The following TEX9 variants were observed in gnomAD, a reference collection of about 807,000 sequenced individuals.
TEX9 encodes testis expressed 9.
In TEX9, 74 loss-of-function variants were observed where a neutral mutation model predicts 59.6. That is an observed-to-expected ratio of 1.24 (90% CI 1.03 to 1.51). The LOEUF (loss-of-function observed/expected upper bound fraction) is 1.51, where lower values mean the gene tolerates loss of function less well. TEX9 is among the 40% of genes most tolerant of loss of function. TEX9 has a pLI of 0.00. For synonymous variants in TEX9, 186 were observed against 152.2 expected, an observed-to-expected ratio of 1.22 and a Z score of -1.64; for missense variants, 522 against 447.8, an observed-to-expected ratio of 1.17 and a Z score of -1.49.
At chr15:56,309,528 G>A (rs1045202275) in intron 1 of TEX9, among the ~76,000 whole-genome samples, 1 of 151,886 alleles carries the variant, frequency 6.6e-6, no homozygotes, top group African/African-American at 2.4e-5. Flanking sequence ...TTTTTCTCTT[G>A]TGAAATCTTT....
intron 4 of TEX9, among the ~76,000 whole-genome samples, chr15:56,385,207 T>G (rs183549007): frequency 3.2e-4 from 49 of 152,322 alleles, no homozygotes; most frequent in African/African-American, 1.2e-3. Context: ...TCCATTGATC[T>G]ATATGGTTGT....
At position 56,434,412 on chromosome 15, in the gene TEX9, A is replaced by G. The variant is rs147739732; in HGVS notation, c.*29+5939A>G. On this transcript the variant is annotated intron_variant, in intron 12 of 12. Coordinates refer to ENST00000352903, the Ensembl canonical transcript of TEX9. ...TGCTTCTTCCTAAACAATACAGCTG[A>G]AAGTTAATTTAGTAACTATTTCCTT... The G allele has an allele frequency of 2.6e-4, 411 of 1,595,830 alleles. 1 individual carries two copies. The highest frequency in any genetic ancestry group is 3.4e-4 in the Non-Finnish European group (393 of 1,171,388).
chr15:56,309,761 C>G (rs4774237), intron 1 of TEX9, among the ~76,000 whole-genome samples: 60,349 of 128,272 alleles, frequency 0.47, 13,876 homozygotes, highest in Middle Eastern at 0.72. Flanking sequence ...TAACAATTAA[C>G]AGTAGAGAAA....
At chr15:56,274,193 G>T (rs1379456551) in intron 1 of TEX9, among the ~76,000 whole-genome samples, 1 of 151,000 alleles carries the variant, frequency 6.6e-6, no homozygotes, top group Non-Finnish European at 1.5e-5. Flanking sequence ...TTTTCTTTTT[G>T]TCCTTCAATT....
intron 12 of TEX9, among the ~76,000 whole-genome samples, chr15:56,440,813 C>T (rs1289515604): frequency 6.6e-6 from 1 of 152,116 alleles, no homozygotes; most frequent in African/African-American, 2.4e-5. Flanking sequence ...CATGATCAGT[C>T]TGTCATTCTT....
At chr15:56,365,312 T>C (rs1596119380), upstream of TEX9, 3 of 1,187,958 alleles carry the variant, frequency 2.5e-6, no homozygotes, top group Non-Finnish European at 2.3e-6. Context: ...CCGAGCCCGC[T>C]GCCAGAGGCT....
the TEX9 span, among the ~76,000 whole-genome samples, chr15:56,456,022 A>C: frequency 6.6e-6 from 1 of 152,278 alleles, no homozygotes; most frequent in Non-Finnish European, 1.5e-5. Flanking sequence ...GTACTGAAAC[A>C]CAGGCTCCAC....
At chr15:56,302,066 A>G (rs73411581) in intron 1 of TEX9, among the ~76,000 whole-genome samples, 5,454 of 152,308 alleles carry the variant, frequency 0.036, 357 homozygotes, top group African/African-American at 0.12. Flanking sequence ...TAGAGTTTTT[A>G]TTAGTTTTCT....
intron 9 of TEX9, among the ~76,000 whole-genome samples, chr15:56,407,989 C>A (rs1354298518): frequency 6.6e-6 from 1 of 152,214 alleles, no homozygotes; most frequent in Non-Finnish European, 1.5e-5. Context: ...TGTCCTTCCT[C>A]TTGCAAAATC....
chr15:56,314,098 C>G (rs2045695575), intron 1 of TEX9, among the ~76,000 whole-genome samples: 1 of 24,952 alleles, frequency 4.0e-5, no homozygotes, highest in African/African-American at 7.2e-5. Flanking sequence ...TTCAAAAAAC[C>G]AGCTCCTGGA....
intron 12 of TEX9, among the ~76,000 whole-genome samples, chr15:56,434,843 T>G (rs2050692653): frequency 6.6e-6 from 1 of 152,084 alleles, no homozygotes; most frequent in African/African-American, 2.4e-5. Context: ...CCATCTCTAG[T>G]CTTCTAATAT....
At chr15:56,260,112 T>C (rs1195843017) in intron 1 of TEX9, among the ~76,000 whole-genome samples, 2 of 152,142 alleles carry the variant, frequency 1.3e-5, no homozygotes, top group Non-Finnish European at 1.5e-5. Context: ...CAGTGACTTA[T>C]CTAAATTCAT....
At chr15:56,434,961 CCTATAAGCTT>C (rs2140332150) in intron 12 of TEX9, among the ~76,000 whole-genome samples, 1 of 152,122 alleles carries the variant, frequency 6.6e-6, no homozygotes, top group Admixed American at 6.6e-5. Context: ...TAAGTCCTTT[CCTATAAGCTT>C]TTATTTTCTG....
rs1260633008 is a variant in TEX9 at position 56,431,360 on chromosome 15, A to G, written c.*29+2887A>G. 7 of 1,608,374 alleles carry G rather than the reference A, an allele frequency of 4.4e-6. No homozygotes were observed. In the Admixed American group the frequency reaches 1.2e-4, roughly 27 times the overall value. ...GGTCATGAAGATTACAACTTGAGAT[A>G]AATCTCACTTACTTTAGGGAGATAG... On this transcript the variant is annotated intron_variant, in intron 12 of 12. Coordinates refer to ENST00000352903, the Ensembl canonical transcript of TEX9.
intron 9 of TEX9, among the ~76,000 whole-genome samples, chr15:56,398,599 T>A (rs928751728): frequency 6.6e-6 from 1 of 152,224 alleles, no homozygotes; most frequent in East Asian, 1.9e-4. Context: ...TTGGCCATCA[T>A]GTCCAATCCT....
At chr15:56,289,605 G>T (rs776300542) in intron 1 of TEX9, among the ~76,000 whole-genome samples, 1 of 152,292 alleles carries the variant, frequency 6.6e-6, no homozygotes, top group African/African-American at 2.4e-5. Context: ...GGCTGCTAAG[G>T]TTCTCCTGGT....
intron 1 of TEX9, among the ~76,000 whole-genome samples, chr15:56,314,933 T>C (rs541681149): frequency 6.6e-6 from 1 of 151,810 alleles, no homozygotes; most frequent in East Asian, 1.9e-4. Flanking sequence ...TTGATCTTTG[T>C]TGGTTTAAAG....
intron 1 of TEX9, among the ~76,000 whole-genome samples, chr15:56,290,189 G>A (rs1172269917): frequency 1.3e-5 from 2 of 152,126 alleles, no homozygotes; most frequent in Non-Finnish European, 2.9e-5. Flanking sequence ...TAGTTCAAAA[G>A]CAGCTGCTTC....
intron 1 of TEX9, among the ~76,000 whole-genome samples, chr15:56,246,992 C>T (rs1445336219): frequency 6.6e-6 from 1 of 152,332 alleles, no homozygotes; most frequent in East Asian, 1.9e-4. Flanking sequence ...GGATTGTCAG[C>T]ACCTCAAAGG....
Sources: gnomAD v4.1 joint callset for allele counts (sites outside exome capture counted in the v4.1 genomes callset) on GRCh38, gnomAD v4.1.1 for gene constraint, MANE v1.5 for transcripts, NCBI Gene and HGNC (gene_info 2026-07-23, HGNC 2026-07-21) for gene names.